The following PCDHGB3 variants were observed in gnomAD, a reference collection of about 807,000 sequenced individuals.
PCDHGB3 encodes protocadherin gamma-B3.
PCDHGB3 carries 40 observed loss-of-function variants against 59.2 expected under a neutral mutation model. The observed-to-expected ratio is 0.68, with a 90% CI of 0.52 to 0.88. PCDHGB3 has a LOEUF of 0.88. PCDHGB3 is among the 40% of genes least tolerant of loss of function. The pLI, the probability that PCDHGB3 is intolerant of heterozygous loss-of-function variation, is 0.00. For missense variants in PCDHGB3, 1,309 were observed against 1,187.9 expected, an observed-to-expected ratio of 1.10 and a Z score of -1.50; for synonymous variants, 581 against 503.6, an observed-to-expected ratio of 1.15 and a Z score of -2.06.
At chr5:141,410,469 T>C in intron 1 of PCDHGB3, 1 of 1,614,026 alleles carries the variant, frequency 6.2e-7, no homozygotes, top group Non-Finnish European at 8.5e-7. Context: ...AATCTGTGCA[T>C]TGCACATACG....
chr5:141,410,311 C>T lies in PCDHGB3; in HGVS notation c.2415+37502C>T, dbSNP rs867067555. On this transcript the variant is annotated intron_variant, in intron 1 of 3. Coordinates refer to ENST00000576222, the MANE Select transcript of PCDHGB3 (RefSeq NM_018924.5). ...CCTTGGCCTTAATCTCAGTGCTCTT[C>T]CTCCTCGCCGTGATTCTGGCCATTG... 4 of 1,613,936 alleles carry T rather than the reference C, an allele frequency of 2.5e-6. No homozygotes were observed. In the African/African-American group the frequency reaches 5.3e-5, roughly 22 times the overall value.
intron 1 of PCDHGB3, chr5:141,411,305 C>T (rs1317785609): frequency 6.6e-6 from 1 of 152,176 alleles, no homozygotes; most frequent in Non-Finnish European, 1.5e-5. Context: ...CCCAGTGGCT[C>T]ACACCTATAA....
Position 141,383,923 on chromosome 5 carries a change from G to T in PCDHGB3, c.2415+11114G>T, listed in dbSNP as rs201582947. On this transcript the variant is annotated intron_variant, in intron 1 of 3. Coordinates refer to ENST00000576222, the MANE Select transcript of PCDHGB3 (RefSeq NM_018924.5). ...ACTGATCACAGTTTTAGATGTAAAT[G>T]ATAATGCTCCAGAAGTGACTATGAC... 169 of 1,613,826 alleles carry T rather than the reference G, an allele frequency of 1.0e-4. No homozygotes were observed. Among genetic ancestry groups the T allele is most frequent in the Non-Finnish European group, 1.3e-4 (156 of 1,179,886 alleles).
intron 1 of PCDHGB3, chr5:141,383,067 C>G: frequency 1.2e-6 from 2 of 1,613,822 alleles, no homozygotes; most frequent in South Asian, 1.1e-5. Flanking sequence ...GGCTGGAGCC[C>G]CGGGAGCTGG....
chr5:141,399,612 G>A (rs1191904235), intron 1 of PCDHGB3: 1 of 1,613,812 alleles, frequency 6.2e-7, no homozygotes, highest in African/African-American at 1.3e-5. Flanking sequence ...TAGAGCCTCT[G>A]GCACTGGCCT....
intron 1 of PCDHGB3, chr5:141,392,226 A>C (rs1468453380): frequency 1.3e-5 from 2 of 152,228 alleles, no homozygotes; most frequent in Non-Finnish European, 2.9e-5. Flanking sequence ...GTGACAACTG[A>C]AGTTCTTAGT....
At chr5:141,483,323 G>A (rs2099579999) in intron 1 of PCDHGB3, among the ~76,000 whole-genome samples, 1 of 152,104 alleles carries the variant, frequency 6.6e-6, no homozygotes, top group Non-Finnish European at 1.5e-5. Flanking sequence ...GGGACTGGAG[G>A]CAAAGAGATC....
At chr5:141,472,453 T>C (rs2099281194) in intron 1 of PCDHGB3, among the ~76,000 whole-genome samples, 1 of 151,726 alleles carries the variant, frequency 6.6e-6, no homozygotes, top group African/African-American at 2.4e-5. Flanking sequence ...GGCAGGAGAA[T>C]CGCTTGAACC....
chr5:141,404,485 T>C (rs780359921), intron 1 of PCDHGB3: 2 of 1,613,490 alleles, frequency 1.2e-6, no homozygotes, highest in Admixed American at 1.7e-5. Context: ...ACTCAGACAC[T>C]GGTGTGCTGT....
At chr5:141,410,037 G>T (rs760397726) in intron 1 of PCDHGB3, 2 of 1,613,250 alleles carry the variant, frequency 1.2e-6, no homozygotes, top group South Asian at 2.2e-5. Flanking sequence ...CTGCAGGCCA[G>T]TGAGCCCGGA....
rs1054012796 is a variant in PCDHGB3 at position 141,420,071 on chromosome 5, G to C, written c.2415+47262G>C. The C allele has an allele frequency of 6.2e-7, 1 of 1,614,050 alleles. No individual in the cohort carries two copies. On this transcript the variant is annotated intron_variant, in intron 1 of 3. Coordinates refer to ENST00000576222, the MANE Select transcript of PCDHGB3 (RefSeq NM_018924.5). ...AGTTCTCTGCTCCAAGTCCGGACCT[G>C]TGGGTCCCCCCAACTACAGTGAGGG...
chr5:141,489,530 G>A lies in PCDHGB3; in HGVS notation c.2416-5277G>A. 6.2e-7 allele frequency: 1 copy of A among 1,614,092 alleles called. No homozygotes were observed. Among genetic ancestry groups the A allele is most frequent in the Non-Finnish European group, 8.5e-7 (1 of 1,180,022 alleles). On this transcript the variant is annotated intron_variant, in intron 1 of 3. Transcript: ENST00000576222. This position sits in a 1 kb window ranked among gnomAD's most constrained non-coding sequence, Gnocchi z 4.5. ...AAGATTGACCGAGAAAGCCTATGTGGAGCCAGCACCAGCTGCCTGCTGCCA... is the reference window on the plus strand; with the variant it reads ...AAGATTGACCGAGAAAGCCTATGTGAAGCCAGCACCAGCTGCCTGCTGCCA...
chr5:141,403,974 A>G (rs1351754228), intron 1 of PCDHGB3: 1 of 1,613,872 alleles, frequency 6.2e-7, no homozygotes, highest in African/African-American at 1.3e-5. Flanking sequence ...GAAGATGTAA[A>G]TGACAATAGA....
At chr5:141,393,143 T>G in intron 1 of PCDHGB3, 1 of 1,613,290 alleles carries the variant, frequency 6.2e-7, no homozygotes, top group Non-Finnish European at 8.5e-7. Context: ...ACACCCTGGT[T>G]GAGGATAAAG....
chr5:141,432,196 C>G lies in PCDHGB3; in HGVS notation c.2415+59387C>G, dbSNP rs200790843. ...TCGTCTCTGTGACCGCCCACGACCC[C>G]GACTGTGAAGAGAACGCCCAGATCA... On this transcript the variant is annotated intron_variant, in intron 1 of 3. Transcript: ENST00000576222. The surrounding 1 kb of genome is among the most constrained non-coding windows in gnomAD (Gnocchi z 6.0). The G allele has an allele frequency of 6.2e-7, 1 of 1,614,192 alleles. No individual in the cohort carries two copies. Among genetic ancestry groups the G allele is most frequent in the East Asian group, 2.2e-5 (1 of 44,880 alleles).
At chr5:141,404,072 C>T (rs779657331) in intron 1 of PCDHGB3, 1 of 1,613,626 alleles carries the variant, frequency 6.2e-7, no homozygotes, top group Non-Finnish European at 8.5e-7. Flanking sequence ...TGCTCATGAC[C>T]GAGACTCCGG....
chr5:141,421,254 C>T, intron 1 of PCDHGB3: 1 of 1,607,460 alleles, frequency 6.2e-7, no homozygotes, highest in East Asian at 2.2e-5. Flanking sequence ...AGCGCGGGGA[C>T]CGCAGTCGGC....
chr5:141,450,006 C>CT lies in PCDHGB3; in HGVS notation c.2416-44783dup, dbSNP rs1554136305. ...CACATTGCATTTAGTTGCCATGTCT[C>CT]TTTTTTTTTTTTTTTTTTGAGACAG... On this transcript the variant is annotated intron_variant, in intron 1 of 3. Coordinates refer to ENST00000576222, the MANE Select transcript of PCDHGB3 (RefSeq NM_018924.5). Among the ~76,000 whole-genome samples the CT allele has an allele frequency of 9.8e-3, 1,304 of 132,922 alleles. 21 individuals are homozygous for CT. Among genetic ancestry groups the CT allele is most frequent in the Non-Finnish European group, 0.015 (957 of 62,878 alleles). 87.2% of individuals were successfully genotyped at this position (132,922 alleles called of 152,430 possible).
In PCDHGB3 at chr5:141,476,331, C is replaced by T; in HGVS notation, c.2416-18476C>T. On this transcript the variant is annotated intron_variant, in intron 1 of 3. Transcript: ENST00000576222. This position sits in a 1 kb window ranked among gnomAD's most constrained non-coding sequence, Gnocchi z 7.6. Reference sequence around the variant, plus strand: ...CGCAGGTTCCGGGTGGTGTCTGGAGCTAGCCGAAGATTCTTTGAGGTGAAC... The same window carrying T: ...CGCAGGTTCCGGGTGGTGTCTGGAGTTAGCCGAAGATTCTTTGAGGTGAAC... 1.2e-6 allele frequency: 2 copies of T among 1,614,156 alleles called. No individual in the cohort carries two copies. Among genetic ancestry groups the T allele is most frequent in the Non-Finnish European group, 1.7e-6 (2 of 1,180,042 alleles).
Sources: gnomAD v4.1 joint callset for allele counts (sites outside exome capture counted in the v4.1 genomes callset) on GRCh38, gnomAD v4.1.1 for gene constraint, Gnocchi (gnomAD v3.1) non-coding constraint, MANE v1.5 for transcripts, NCBI Gene and HGNC (gene_info 2026-07-23, HGNC 2026-07-21) for gene names.